Variants in STARD9 observed in about 807,000 individuals in gnomAD.
STARD9 encodes the protein stAR-related lipid transfer protein 9.
In STARD9, 346 loss-of-function variants were observed where a neutral mutation model predicts 399.8. The ratio of observed to expected loss-of-function variants is 0.87; its 90% CI spans 0.79 to 0.95. STARD9 has a LOEUF of 0.95. Ranked by LOEUF, STARD9 falls within the 40% of genes least tolerant of loss-of-function variation. STARD9 has a pLI of 0.00. For synonymous variants in STARD9, 2,203 were observed against 2,143.5 expected, an observed-to-expected ratio of 1.03 and a Z score of -0.77; for missense variants, 5,832 against 5,667.5, an observed-to-expected ratio of 1.03 and a Z score of -0.93.
chr15:42,695,098 C>T lies in STARD9; in HGVS notation c.12963-42C>T, dbSNP rs983377163. 2.5e-5 allele frequency: 36 copies of T among 1,469,204 alleles called. No individual in the cohort carries two copies. In the African/African-American group the frequency reaches 4.9e-4, roughly 20 times the overall value. The allele number at this position is 1,469,204 out of a possible 1,614,324, so 91.0% of individuals were successfully genotyped here. On this transcript the variant is annotated intron_variant, in intron 24 of 32. Transcript: ENST00000290607. ...CCTTGGATGGACAGACCAGGACTGT[C>T]ACCCACCCACCATGTTCTTTCCACC... is the stretch of plus-strand genomic sequence containing the variant.
At chr15:42,613,544 G>GGAT (rs2058896385) in intron 3 of STARD9, among the ~76,000 whole-genome samples, 1 of 152,098 alleles carries the variant, frequency 6.6e-6, no homozygotes, top group South Asian at 2.1e-4. Context: ...TATAAAATGA[G>GGAT]GATAATAATA....
intron 9 of STARD9, among the ~76,000 whole-genome samples, chr15:42,655,886 A>G (rs1307228817): frequency 6.6e-6 from 1 of 152,216 alleles, no homozygotes; most frequent in Non-Finnish European, 1.5e-5. Context: ...CAGCAAGAAA[A>G]AAACAGTCCC....
Position 42,685,219 on chromosome 15 carries a change from TG to T in STARD9, c.3646del (p.Glu1216LysfsTer30), listed in dbSNP as rs772774572. 6.5e-7 allele frequency: 1 copy of T among 1,537,196 alleles called. No homozygotes were observed. The highest frequency in any genetic ancestry group is 8.7e-7 in the Non-Finnish European group (1 of 1,146,920). ...AGCCTGATTGATGCAGAGGAAGAAC[TG>T]GGGGAAGATCAGCAAGAAGAACCTT... Reference protein sequence around the residue: ...LDSLIDAEEELGEDQQEEPFP... With the variant: ...LDSLIDAEEEXGEDQQEEPFP... On this transcript the variant is annotated frameshift_variant, in exon 23 of 33. Transcript: ENST00000290607. LOFTEE classifies it high-confidence loss of function.
Position 42,716,942 on chromosome 15 carries a change from T to A in STARD9, c.13388T>A (p.Leu4463Gln). The change falls in exon 28 of 33, where the codon CTG becomes CAG. Residue 4463 changes from leucine to glutamine, a missense_variant. By Grantham distance (113) the Leu-to-Gln change is moderately radical. This residue lies in a region of STARD9 where 5,828 missense variants were observed against 5,651.1 expected (regional missense o/e 1.03). Coordinates refer to ENST00000290607, the MANE Select transcript of STARD9 (RefSeq NM_020759.3). ...TTTCTTGTAGGCCACAGAGCCTCCC[T>A]GGGCAGTTGCTGCTGTTCACCATCC... ...KNSAYSHRAS[L>Q]GSCCCSPSSL... 1 of 1,537,260 alleles carries A rather than the reference T, an allele frequency of 6.5e-7. No homozygotes were observed. Among genetic ancestry groups the A allele is most frequent in the South Asian group, 1.2e-5 (1 of 84,052 alleles).
intron 7 of STARD9, among the ~76,000 whole-genome samples, chr15:42,640,208 G>A (rs561303050): frequency 2.1e-4 from 32 of 152,284 alleles, no homozygotes; most frequent in Non-Finnish European, 4.4e-4. Flanking sequence ...GTGAGCCAGC[G>A]TGCTTGGCTG....
Position 42,690,584 on chromosome 15 carries a change from C to A in STARD9, c.9006C>A (p.Ser3002=). ...TCCACCCACCCTGTGTAGTACCTTC[C>A]AGGGCCTATGAAATGGATGAGACAG... The part of the protein sequence containing the change: ...HTIHPPCVVP[S]RAYEMDETGE... The change falls in exon 23 of 33, where the codon TCC becomes TCA. Residue 3002 remains serine, a synonymous_variant. Coordinates refer to ENST00000290607, the MANE Select transcript of STARD9 (RefSeq NM_020759.3). The A allele has an allele frequency of 6.5e-7, 1 of 1,537,222 alleles. No homozygotes were observed. The highest frequency in any genetic ancestry group is 8.7e-7 in the Non-Finnish European group (1 of 1,146,900).
chr15:42,602,744 C>T (rs367885669), intron 3 of STARD9, among the ~76,000 whole-genome samples: 8 of 152,152 alleles, frequency 5.3e-5, no homozygotes, highest in Admixed American at 4.6e-4. Flanking sequence ...CTATGGTAAA[C>T]GAAGAAGACT....
In STARD9 at chr15:42,705,986, C is replaced by T. The variant is rs530195759; in HGVS notation, c.13284+10106C>T. 1.4e-4 allele frequency among the ~76,000 whole-genome samples: 21 copies of T among 152,238 alleles called. No homozygotes were observed. In the East Asian group the frequency reaches 3.1e-3, roughly 22 times the overall value. On this transcript the variant is annotated intron_variant, in intron 26 of 32. Transcript: ENST00000290607. ...CAGGCTTTTCTCAAACTCCTAACCT[C>T]GAGTGATCTGCCTACCTCAGCCTCC...
At position 42,682,374 on chromosome 15, in the gene STARD9, A is replaced by G; in HGVS notation, c.2336A>G (p.Gln779Arg). The G allele has an allele frequency of 6.5e-7, 1 of 1,537,282 alleles. No individual in the cohort carries two copies. The highest frequency in any genetic ancestry group is 2.0e-5 in the Admixed American group (1 of 51,006). Residue 779 changes from glutamine (Q) to arginine (R), a missense_variant, in exon 22 of 33, where the codon CAG (glutamine) becomes CGG (arginine). Physicochemically the swap from Gln to Arg is conservative, Grantham distance 43 (BLOSUM62 1). Coordinates refer to ENST00000290607, the MANE Select transcript of STARD9 (RefSeq NM_020759.3). ...SFQLERIIKKQRLLEAQKRLE... is the reference protein window; with the variant it reads ...SFQLERIIKKRRLLEAQKRLE... ...CAGCTAGAGAGAATCATCAAAAAGC[A>G]GAGGCTGCTGGAGGCCCAGAAGAGA...
rs1357622399 is a variant in STARD9, at chr15:42,646,765, T to C, written c.560-4251T>C. 5.3e-5 allele frequency among the ~76,000 whole-genome samples: 8 copies of C among 152,242 alleles called. No homozygotes were observed. In the South Asian group the frequency reaches 1.4e-3, roughly 28 times the overall value. On this transcript the variant is annotated intron_variant, in intron 7 of 32. Coordinates refer to ENST00000290607, the MANE Select transcript of STARD9 (RefSeq NM_020759.3). ...TTTGCATTCACAGCCTGGCCAACTG[T>C]TGGGCGCAAGAGGCCTAGCTTTCAG...
rs1021722320 is a variant in STARD9, at chr15:42,687,324, C to G, written c.5746C>G (p.Arg1916Gly). 1.3e-6 allele frequency: 2 copies of G among 1,536,578 alleles called. No homozygotes were observed. Among genetic ancestry groups the G allele is most frequent in the African/African-American group, 2.7e-5 (2 of 73,006 alleles). The change falls in exon 23 of 33, where the codon CGA (arginine) becomes GGA (glycine). Residue 1916 changes from arginine (R) to glycine (G), a missense_variant. By Grantham distance (125) the Arg-to-Gly change is moderately radical. This residue lies in a region of STARD9 where 5,828 missense variants were observed against 5,651.1 expected (regional missense o/e 1.03). Coordinates refer to ENST00000290607, the MANE Select transcript of STARD9 (RefSeq NM_020759.3). ...KSLLFRESEA[R>G]EEEELDQNTV... The stretch of plus-strand genomic sequence containing the variant: ...TCTCCTCTTTCGTGAATCTGAGGCA[C>G]GAGAGGAAGAAGAGCTGGATCAGAA...
chr15:42,696,517 C>T (rs1239134842), intron 26 of STARD9, among the ~76,000 whole-genome samples: 2 of 152,174 alleles, frequency 1.3e-5, no homozygotes, highest in Non-Finnish European at 2.9e-5. Context: ...CCTTTCTAAT[C>T]CATCTCATTG....
At chr15:42,696,504 G>A (rs1225300193) in intron 26 of STARD9, among the ~76,000 whole-genome samples, 4 of 152,150 alleles carry the variant, frequency 2.6e-5, no homozygotes, top group Non-Finnish European at 5.9e-5. Context: ...GAGAGTTCTG[G>A]CCCCTTTCTA....
In STARD9 at chr15:42,674,911, C is replaced by A; in HGVS notation, c.1634C>A (p.Ala545Asp). The A allele has an allele frequency of 6.5e-7, 1 of 1,537,016 alleles. No individual in the cohort carries two copies. The highest frequency in any genetic ancestry group is 1.7e-4 in the Middle Eastern group (1 of 5,980). The change falls in exon 18 of 33, where the codon GCC becomes GAC. Residue 545 changes from alanine (A) to aspartate (D), a missense_variant. Physicochemically the swap from Ala to Asp is moderately radical, Grantham distance 126 (BLOSUM62 -2). Transcript: ENST00000290607. ...GVVVLRPARG[A>D]RCTVNGREVT... ...GTTGTTCTACGACCTGCCCGTGGGGCCCGCTGTACAGTCAATGGCCGGGAG... is the reference window on the plus strand; with the variant it reads ...GTTGTTCTACGACCTGCCCGTGGGGACCGCTGTACAGTCAATGGCCGGGAG...
chr15:42,593,553 A>G (rs1178867068), intron 3 of STARD9, among the ~76,000 whole-genome samples: 1 of 151,330 alleles, frequency 6.6e-6, no homozygotes, highest in African/African-American at 2.4e-5. Context: ...TTCCAGACCA[A>G]AAAAAAAATC....
rs959344001 is a variant in STARD9, at chr15:42,693,384, T to A, written c.11806T>A (p.Ser3936Thr). 9.1e-6 allele frequency: 14 copies of A among 1,537,018 alleles called. No homozygotes were observed. Among genetic ancestry groups the A allele is most frequent in the Non-Finnish European group, 1.2e-5 (14 of 1,146,902 alleles). ...TGTTGAAGGCCACCAGAAGCTTGAC[T>A]CCAGCCCAGACCCTGTTGATGCCCC... is the stretch of plus-strand genomic sequence containing the variant. ...HPVEGHQKLD[S>T]SPDPVDAPRT... The change falls in exon 23 of 33, where the codon TCC becomes ACC. Residue 3936 changes from serine (S) to threonine (T), a missense_variant. Physicochemically the swap from Ser to Thr is moderately conservative, Grantham distance 58. This residue lies in a region of STARD9 where 5,828 missense variants were observed against 5,651.1 expected (regional missense o/e 1.03). Coordinates refer to ENST00000290607, the MANE Select transcript of STARD9 (RefSeq NM_020759.3).
intron 20 of STARD9, among the ~76,000 whole-genome samples, chr15:42,676,780 C>G (rs541790229): frequency 3.3e-5 from 5 of 152,280 alleles, no homozygotes; most frequent in African/African-American, 1.2e-4. Flanking sequence ...CCTGTGACAT[C>G]ACTGGTGTTG....
chr15:42,665,449 C>G (rs748503046), intron 14 of STARD9, 119 bp downstream of exon 14: 1 of 794,682 alleles, frequency 1.3e-6, no homozygotes, highest in Admixed American at 2.5e-5. Context: ...TCTCTTACGG[C>G]AGAGACAGGA....
At chr15:42,717,134 G>A in intron 28 of STARD9, 86 bp downstream of exon 28, 1 of 1,440,084 alleles carries the variant, frequency 6.9e-7, no homozygotes, top group Non-Finnish European at 9.4e-7. Flanking sequence ...GAAAAAAGCT[G>A]GGCAGATGAG....
Sources: allele counts gnomAD v4.1 joint callset (sites outside exome capture counted in the v4.1 genomes callset), GRCh38; gene constraint gnomAD v4.1.1; regional missense constraint gnomAD v4.1.1; transcripts MANE v1.5; gene names NCBI Gene and HGNC (gene_info 2026-07-23, HGNC 2026-07-21).